The following XPO6 variants were observed in gnomAD, a reference collection of about 807,000 sequenced individuals.
The protein encoded by XPO6 is exportin-6.
Under a neutral mutation model 130.0 loss-of-function variants are expected in XPO6, and 3 were observed. The ratio of observed to expected loss-of-function variants is 0.02; its 90% CI spans 0.01 to 0.06. The LOEUF is 0.06. Ranked by LOEUF, XPO6 falls within the 10% of genes least tolerant of loss-of-function variation. The pLI is 1.00. For synonymous variants in XPO6, 524 were observed against 548.9 expected (o/e 0.95, Z 0.63); for missense variants, 970 against 1,393.0 (o/e 0.70, Z 4.83).
rs182618607 is a variant in XPO6, at chr16:28,103,152, A to C, written c.2947-1207T>G. Among the ~76,000 whole-genome samples, 19 of 151,984 alleles carry C rather than the reference A, an allele frequency of 1.3e-4. No homozygotes were observed. The East Asian group carries it at 3.7e-3, about 29-fold the overall frequency. Reference sequence around the variant, plus strand: ...TCCATCACCTGGAACGTCCCCTCACACCCTCACCCCTAAGGCAACCACTGC... The same window carrying C: ...TCCATCACCTGGAACGTCCCCTCACCCCCTCACCCCTAAGGCAACCACTGC... On this transcript the variant is annotated intron_variant, in intron 21 of 23. Transcript: ENST00000304658.
rs1347425763 is a variant in XPO6, at chr16:28,122,080, T to C, written c.1767-318A>G. 5.9e-5 allele frequency among the ~76,000 whole-genome samples: 9 copies of C among 152,194 alleles called. No homozygotes were observed. In the East Asian group the frequency reaches 1.7e-3, roughly 29 times the overall value. Reference sequence around the variant, plus strand: ...TTAGAGGCATATTTAATGATAAATATTCAGGATGTTTTAAACATGACATGG... The same window carrying C: ...TTAGAGGCATATTTAATGATAAATACTCAGGATGTTTTAAACATGACATGG... On this transcript the variant is annotated intron_variant, in intron 13 of 23. Transcript: ENST00000304658.
At chr16:28,145,348 C>G (rs2042965090) in intron 9 of XPO6, among the ~76,000 whole-genome samples, 1 of 152,126 alleles carries the variant, frequency 6.6e-6, no homozygotes, top group Non-Finnish European at 1.5e-5. Context: ...GAATCTCCAC[C>G]TTCCCCTCCT....
At chr16:28,191,350 A>G (rs1720509946) in intron 1 of XPO6, among the ~76,000 whole-genome samples, 1 of 152,234 alleles carries the variant, frequency 6.6e-6, no homozygotes, top group Non-Finnish European at 1.5e-5. Flanking sequence ...AGTAAGTAAT[A>G]CAGCCAAGAG....
At chr16:28,207,784 G>C (rs534216351) in intron 1 of XPO6, among the ~76,000 whole-genome samples, 1 of 152,114 alleles carries the variant, frequency 6.6e-6, no homozygotes, top group Non-Finnish European at 1.5e-5. Context: ...TCCATCTCCC[G>C]CTCTGGCAGG....
intron 13 of XPO6, among the ~76,000 whole-genome samples, chr16:28,124,058 C>CTTT (rs5816463): frequency 8.7e-5 from 12 of 138,270 alleles, no homozygotes; most frequent in African/African-American, 2.4e-4. Context: ...ACAGATATAC[C>CTTT]TTTTTTTTTT....
intron 5 of XPO6, 66 bp from the exon 6 acceptor site, chr16:28,166,651 A>G (rs1412086525): frequency 1.3e-6 from 2 of 1,547,476 alleles, no homozygotes; most frequent in Admixed American, 2.0e-5. Context: ...TCATATTTAG[A>G]GAAAGTTTCT....
At chr16:28,181,442 C>T (rs937493008) in intron 1 of XPO6, among the ~76,000 whole-genome samples, 2 of 151,986 alleles carry the variant, frequency 1.3e-5, no homozygotes, top group African/African-American at 4.8e-5. Flanking sequence ...AATAATTTGT[C>T]ATATTTTGAT....
At chr16:28,200,378 C>T (rs1004617363) in intron 1 of XPO6, among the ~76,000 whole-genome samples, 2 of 152,148 alleles carry the variant, frequency 1.3e-5, no homozygotes, top group African/African-American at 2.4e-5. Context: ...GCCTAATGGG[C>T]TTACCTGAAT....
At chr16:28,170,912 C>T (rs2043438139) in intron 4 of XPO6, among the ~76,000 whole-genome samples, 1 of 152,150 alleles carries the variant, frequency 6.6e-6, no homozygotes, top group Non-Finnish European at 1.5e-5. Flanking sequence ...ATTACTATTA[C>T]ACTTATTTTT....
At chr16:28,133,074 C>T (rs766489238) in intron 11 of XPO6, among the ~76,000 whole-genome samples, 25 of 152,202 alleles carry the variant, frequency 1.6e-4, no homozygotes, top group Non-Finnish European at 8.8e-5. Context: ...CGGTGGCTCA[C>T]GCCTGTAAAT....
At chr16:28,119,504 T>A (rs893734211) in intron 14 of XPO6, among the ~76,000 whole-genome samples, 2 of 152,170 alleles carry the variant, frequency 1.3e-5, no homozygotes, top group African/African-American at 4.8e-5. Flanking sequence ...GACATGCTTT[T>A]AAAAAAATTA....
intron 12 of XPO6, chr16:28,126,665 A>G (rs1457189003): frequency 1.3e-5 from 2 of 152,252 alleles, no homozygotes; most frequent in Non-Finnish European, 2.9e-5. Context: ...GCTAAGATGA[A>G]GGACAAAACA....
intron 7 of XPO6, chr16:28,155,862 G>T: frequency 7.9e-7 from 1 of 1,271,290 alleles, no homozygotes; most frequent in Non-Finnish European, 1.0e-6. Flanking sequence ...CCTACACAAG[G>T]CACAAGCATT....
intron 6 of XPO6, among the ~76,000 whole-genome samples, chr16:28,165,955 A>T (rs1221959325): frequency 6.6e-6 from 1 of 152,242 alleles, no homozygotes; most frequent in African/African-American, 2.4e-5. Context: ...GTGGACAATA[A>T]CTAGCAACCA....
chr16:28,108,955 G>A (rs73522881), intron 17 of XPO6, among the ~76,000 whole-genome samples: 2,511 of 152,312 alleles, frequency 0.016, 67 homozygotes, highest in African/African-American at 0.058. Flanking sequence ...AGTGACACTG[G>A]AGAGTAAAGG....
At chr16:28,168,785 T>G (rs2043401653) in intron 5 of XPO6, among the ~76,000 whole-genome samples, 1 of 151,334 alleles carries the variant, frequency 6.6e-6, no homozygotes, top group South Asian at 2.1e-4. Flanking sequence ...TGTTTTGTTT[T>G]TTTTTTTTTC....
chr16:28,107,784 T>C (rs1384250253), intron 17 of XPO6, 107 bp from the exon 18 acceptor site: 1 of 1,200,726 alleles, frequency 8.3e-7, no homozygotes, highest in Non-Finnish European at 1.2e-6. Context: ...AAGAAGATGA[T>C]CACACGAGTC....
In XPO6 at chr16:28,211,224, T is replaced by C. The variant is rs2044124574; in HGVS notation, c.3+142A>G. The C allele has an allele frequency of 1.3e-5, 11 of 828,256 alleles. No homozygotes were observed. In the Admixed American group the frequency reaches 2.6e-4, roughly 19 times the overall value. 51.3% of individuals were successfully genotyped at this position (828,256 alleles called of 1,614,324 possible). ...AGCGCAGGGCCGGGGCTGCACACTC[T>C]GCACGCATGTGTCACCGGCCAGGCT... is the stretch of plus-strand genomic sequence containing the variant. On this transcript the variant is annotated intron_variant, in intron 1 of 23. Coordinates refer to ENST00000304658, the MANE Select transcript of XPO6 (RefSeq NM_015171.4).
intron 1 of XPO6, among the ~76,000 whole-genome samples, chr16:28,206,995 C>T (rs2044041637): frequency 6.6e-6 from 1 of 152,112 alleles, no homozygotes; most frequent in Admixed American, 6.6e-5. Flanking sequence ...ACCTGTAATC[C>T]TAGCACTTTG....
Sources: gnomAD v4.1 joint callset for allele counts (sites outside exome capture counted in the v4.1 genomes callset) on GRCh38, gnomAD v4.1.1 for gene constraint, MANE v1.5 for transcripts, NCBI Gene and HGNC (gene_info 2026-07-23, HGNC 2026-07-21) for gene names.